The following RPS6KC1 variants were observed in gnomAD, a reference collection of about 807,000 sequenced individuals.
The protein encoded by RPS6KC1 is inactive ribosomal protein S6 kinase delta-1.
A neutral mutation model predicts 103.8 loss-of-function variants in RPS6KC1; 54 were observed. The observed-to-expected ratio is 0.52, with a 90% CI of 0.42 to 0.65. The LOEUF (loss-of-function observed/expected upper bound fraction) is 0.65. Ranked by LOEUF, RPS6KC1 falls within the 30% of genes least tolerant of loss-of-function variation. The pLI, the probability that RPS6KC1 is intolerant of heterozygous loss-of-function variation, is 0.00. For missense variants in RPS6KC1, 1,151 were observed against 1,253.8 expected, an observed-to-expected ratio of 0.92 and a Z score of 1.24; for synonymous variants, 439 against 438.7, an observed-to-expected ratio of 1.00 and a Z score of -0.01.
chr1:213,727,171 G>A, the RPS6KC1 span, among the ~76,000 whole-genome samples: 5 of 152,242 alleles, frequency 3.3e-5, no homozygotes, highest in South Asian at 4.1e-4. Context: ...TGCACTATTC[G>A]GTAAACATCA....
chr1:213,537,709 G>A, the RPS6KC1 span, among the ~76,000 whole-genome samples: 2 of 152,158 alleles, frequency 1.3e-5, no homozygotes, highest in African/African-American at 4.8e-5. Flanking sequence ...CAGGGAATGT[G>A]GGTGTGTGAG....
At chr1:213,468,728 T>A in the RPS6KC1 span, among the ~76,000 whole-genome samples, 1 of 152,196 alleles carries the variant, frequency 6.6e-6, no homozygotes, top group Non-Finnish European at 1.5e-5. Context: ...GCATATAAGA[T>A]TAAAAAAGAA....
At chr1:213,229,083 T>G (rs886874738) in intron 8 of RPS6KC1, among the ~76,000 whole-genome samples, 5 of 152,022 alleles carry the variant, frequency 3.3e-5, no homozygotes, top group African/African-American at 1.2e-4. Context: ...AGCAGGCTGT[T>G]TGTTTGTTTG....
the RPS6KC1 span, among the ~76,000 whole-genome samples, chr1:213,797,949 A>G: frequency 6.6e-6 from 1 of 152,260 alleles, no homozygotes; most frequent in Non-Finnish European, 1.5e-5. Context: ...TTAGGCACCT[A>G]GACCTCTCAA....
At chr1:213,566,099 T>G in the RPS6KC1 span, among the ~76,000 whole-genome samples, 3 of 152,014 alleles carry the variant, frequency 2.0e-5, no homozygotes, top group African/African-American at 7.2e-5. Flanking sequence ...GATGGATAGA[T>G]GGATAGATAT....
chr1:213,138,485 A>G (rs906774401), intron 6 of RPS6KC1, among the ~76,000 whole-genome samples: 3 of 152,120 alleles, frequency 2.0e-5, no homozygotes, highest in Non-Finnish European at 4.4e-5. Flanking sequence ...TTTGGTAGGT[A>G]GTTTTCCAGT....
chr1:213,736,646 G>A, the RPS6KC1 span, among the ~76,000 whole-genome samples: 1 of 152,160 alleles, frequency 6.6e-6, no homozygotes, highest in African/African-American at 2.4e-5. Context: ...ATGCTGGGAG[G>A]TGGGAATCAT....
At chr1:213,568,104 G>C in the RPS6KC1 span, among the ~76,000 whole-genome samples, 2 of 152,174 alleles carry the variant, frequency 1.3e-5, no homozygotes, top group African/African-American at 4.8e-5. Flanking sequence ...ATCTCATGCT[G>C]AGTTTTGACT....
intron 7 of RPS6KC1, among the ~76,000 whole-genome samples, chr1:213,175,548 G>A (rs546078747): frequency 1.1e-4 from 16 of 152,236 alleles, no homozygotes; most frequent in African/African-American, 3.6e-4. Context: ...TGTAAATGTC[G>A]TATGGAGGTG....
downstream of RPS6KC1, among the ~76,000 whole-genome samples, chr1:213,275,981 C>A (rs992783659): frequency 3.3e-5 from 5 of 152,164 alleles, no homozygotes; most frequent in Non-Finnish European, 5.9e-5. Flanking sequence ...AGCTGCAATA[C>A]CTATTGTGTT....
chr1:213,139,315 T>C (rs1196341606), intron 6 of RPS6KC1, among the ~76,000 whole-genome samples: 4 of 152,254 alleles, frequency 2.6e-5, no homozygotes, highest in African/African-American at 9.6e-5. Context: ...ATTCTGTTGA[T>C]AGTTTGTTTT....
rs766652023 is a variant in RPS6KC1, at chr1:213,267,950, G to A, written c.3091-4574G>A. Among the ~76,000 whole-genome samples, 102 of 151,808 alleles carry A rather than the reference G, an allele frequency of 6.7e-4. 2 individuals are homozygous for A. Among genetic ancestry groups the A allele is most frequent in the Non-Finnish European group, 1.1e-3 (76 of 67,900 alleles). ...GGAAATCTGTAAGACAATAGCAAAT[G>A]TACCAGTATACATATAATGATAGTC... On this transcript the variant is annotated intron_variant, in intron 14 of 14. Coordinates refer to ENST00000366960, the MANE Select transcript of RPS6KC1 (RefSeq NM_012424.6).
At chr1:213,336,183 A>G in the RPS6KC1 span, among the ~76,000 whole-genome samples, 3 of 152,212 alleles carry the variant, frequency 2.0e-5, no homozygotes, top group East Asian at 1.9e-4. Context: ...ATTCAATACA[A>G]TAGCTTCAGA....
At position 213,119,283 on chromosome 1, in the gene RPS6KC1, C is replaced by G. The variant is rs906038500; in HGVS notation, c.472+1873C>G. On this transcript the variant is annotated intron_variant, in intron 5 of 14. Transcript: ENST00000366960. ...CCAATATGGTGAAACCCTGTCTCTA[C>G]TAAAAACACAAAAATTAGCCAGACA... Among the ~76,000 whole-genome samples, 6 of 151,440 alleles carry G rather than the reference C, an allele frequency of 4.0e-5. No individual in the cohort carries two copies. The South Asian group carries it at 1.3e-3, about 32-fold the overall frequency.
At chr1:213,101,188 G>T (rs1414568102) in intron 3 of RPS6KC1, among the ~76,000 whole-genome samples, 4 of 152,164 alleles carry the variant, frequency 2.6e-5, no homozygotes. Flanking sequence ...CAGTGATGTT[G>T]AGCATATTTT....
the RPS6KC1 span, among the ~76,000 whole-genome samples, chr1:213,682,319 C>T: frequency 6.6e-6 from 1 of 152,186 alleles, no homozygotes; most frequent in Non-Finnish European, 1.5e-5. Context: ...TTCTAATAAA[C>T]ATCCTTCATT....
the RPS6KC1 span, among the ~76,000 whole-genome samples, chr1:213,551,022 G>T: frequency 6.6e-6 from 1 of 152,192 alleles, no homozygotes; most frequent in African/African-American, 2.4e-5. Flanking sequence ...TAGCAGTCAG[G>T]TTGGGCCAGG....
the RPS6KC1 span, among the ~76,000 whole-genome samples, chr1:213,590,089 A>G: frequency 2.0e-5 from 3 of 152,136 alleles, no homozygotes; most frequent in Non-Finnish European, 2.9e-5. Context: ...TGTTTGCCAT[A>G]CATATTACTT....
the RPS6KC1 span, among the ~76,000 whole-genome samples, chr1:213,363,598 CTCGCTCGCTTGCTTGCTTGCTT>C: frequency 2.9e-3 from 192 of 65,302 alleles, 16 homozygotes; most frequent in African/African-American, 0.012. Flanking sequence ...TTAGCCCTTG[CTCGCTCGCTTGCTTGCTTGCTT>C]GCTTGCTTTC....
Sources: allele counts gnomAD v4.1 joint callset (sites outside exome capture counted in the v4.1 genomes callset), GRCh38; gene constraint gnomAD v4.1.1; transcripts MANE v1.5; gene names NCBI Gene and HGNC (gene_info 2026-07-23, HGNC 2026-07-21).